UBR2: variants seen among roughly 807,000 people sequenced by gnomAD.
UBR2 encodes the protein E3 ubiquitin-protein ligase UBR2.
UBR2 carries 92 observed loss-of-function variants against 247.9 expected under a neutral mutation model. The observed-to-expected ratio is 0.37, with a 90% CI of 0.31 to 0.44. UBR2 has a LOEUF of 0.44. Ranked by LOEUF, UBR2 falls within the 20% of genes least tolerant of loss-of-function variation. The pLI is 1.00. For synonymous variants in UBR2, 672 were observed against 693.5 expected (o/e 0.97, Z 0.49); for missense variants, 1,613 against 2,112.6 (o/e 0.76, Z 4.64).
Position 42,635,500 on chromosome 6 carries a change from A to G in UBR2, c.1628A>G (p.Lys543Arg). Residue 543 changes from lysine to arginine, a missense_variant, in exon 14 of 47, where the codon AAA becomes AGA. By Grantham distance (26) the Lys-to-Arg change is conservative. This residue lies in a region of UBR2 where 1,524 missense variants were observed against 1,967.3 expected (regional missense o/e 0.77). Coordinates refer to ENST00000372901, the MANE Select transcript of UBR2 (RefSeq NM_001363705.2). ...EWEAAFTLQM[K>R]LTHVISMMQD... ...GAAGCAGCCTTCACACTACAAATGA[A>G]ATTAACACATGTCATTTCAATGATG... The G allele has an allele frequency of 6.2e-7, 1 of 1,613,586 alleles. No homozygotes were observed. The highest frequency in any genetic ancestry group is 8.5e-7 in the Non-Finnish European group (1 of 1,179,618).
chr6:42,590,330 C>T (rs1230617842), intron 2 of UBR2, among the ~76,000 whole-genome samples: 1 of 152,172 alleles, frequency 6.6e-6, no homozygotes, highest in Non-Finnish European at 1.5e-5. Context: ...ACAATCAATA[C>T]TATAACTGTA....
chr6:42,643,743 T>C (rs796747962), intron 18 of UBR2, among the ~76,000 whole-genome samples: 7 of 152,292 alleles, frequency 4.6e-5, no homozygotes, highest in African/African-American at 1.7e-4. Flanking sequence ...CTTCAGTCAG[T>C]ATAATGCTTG....
intron 4 of UBR2, 140 bp from the exon 5 acceptor site, chr6:42,603,448 C>T: frequency 1.2e-6 from 1 of 811,744 alleles, no homozygotes; most frequent in African/African-American, 1.8e-5. Flanking sequence ...TGTATAGGAT[C>T]AAATTCATTG....
At chr6:42,680,105 A>G (rs946473440) in intron 42 of UBR2, among the ~76,000 whole-genome samples, 1 of 152,144 alleles carries the variant, frequency 6.6e-6, no homozygotes, top group Non-Finnish European at 1.5e-5. Flanking sequence ...TCCTGGGTTC[A>G]GGGGATTCTC....
chr6:42,628,769 A>C (rs1450356656), intron 11 of UBR2, among the ~76,000 whole-genome samples: 1 of 151,428 alleles, frequency 6.6e-6, no homozygotes, highest in Non-Finnish European at 1.5e-5. Context: ...AAGTGATTAG[A>C]GTATGATAGT....
intron 8 of UBR2, among the ~76,000 whole-genome samples, chr6:42,614,375 T>TATATATGTATGTGCGTACATACATAC (rs70990112): frequency 2.9e-5 from 2 of 69,752 alleles, no homozygotes; most frequent in South Asian, 5.0e-4. Context: ...TGTGTATGTG[T>TATATATGTATGTGCGTACATACATAC]GTATATATGT....
At chr6:42,620,481 G>GTTTTTTTTTTTTTTTTTTT (rs796314344) in intron 11 of UBR2, 1 of 66,620 alleles carries the variant, frequency 1.5e-5, no homozygotes, top group African/African-American at 3.7e-5. Context: ...ATTAAGTGTT[G>GTTTTTTTTTTTTTTTTTTT]TTTTTTTTTT....
intron 1 of UBR2, among the ~76,000 whole-genome samples, chr6:42,570,119 G>C (rs1791021989): frequency 6.6e-6 from 1 of 152,200 alleles, no homozygotes; most frequent in Admixed American, 6.5e-5. Context: ...ACTTCTGAAA[G>C]ACAGTCATAA....
rs147489438 is a variant in UBR2, at chr6:42,611,745, A to G, written c.865-426A>G. On this transcript the variant is annotated intron_variant, in intron 7 of 46. Transcript: ENST00000372901. Reference sequence around the variant, plus strand: ...ACATAGTGAAACCCTGTCTCTACTAAAAATACAACAGTTAGCCAGGCGTCG... The same window carrying G: ...ACATAGTGAAACCCTGTCTCTACTAGAAATACAACAGTTAGCCAGGCGTCG... Among the ~76,000 whole-genome samples the G allele has an allele frequency of 5.1e-4, 77 of 151,758 alleles. 2 individuals carry two copies. In the East Asian group the frequency reaches 8.2e-3, roughly 16 times the overall value.
At chr6:42,615,518 A>G (rs1291534164) in intron 9 of UBR2, among the ~76,000 whole-genome samples, 1 of 152,116 alleles carries the variant, frequency 6.6e-6, no homozygotes, top group Non-Finnish European at 1.5e-5. Flanking sequence ...TGGCATGATC[A>G]TTGATCACTG....
intron 34 of UBR2, among the ~76,000 whole-genome samples, chr6:42,669,743 A>T (rs1798324001): frequency 6.6e-6 from 1 of 152,168 alleles, no homozygotes; most frequent in Non-Finnish European, 1.5e-5. Flanking sequence ...CTGTGTAAAA[A>T]CAACTTTCCC....
rs776465321 is a variant in UBR2 at position 42,655,738 on chromosome 6, T to C, written c.2872+15T>C. 5 of 1,416,860 alleles carry C rather than the reference T, an allele frequency of 3.5e-6. No individual in the cohort carries two copies. The highest frequency in any genetic ancestry group is 4.7e-6 in the Non-Finnish European group (5 of 1,053,214). The allele number at this position is 1,416,860 out of a possible 1,614,324, so 87.8% of individuals were successfully genotyped here. Reference sequence around the variant, plus strand: ...GAAGATATCAAGTATGTATATATCTTTTTACTAAACTAACTCAAGATATAA... The same window carrying C: ...GAAGATATCAAGTATGTATATATCTCTTTACTAAACTAACTCAAGATATAA... On this transcript the variant is annotated intron_variant, in intron 26 of 46. Coordinates refer to ENST00000372901, the MANE Select transcript of UBR2 (RefSeq NM_001363705.2).
intron 25 of UBR2, 74 bp from the exon 26 acceptor site, chr6:42,655,547 T>C (rs1250621171): frequency 3.7e-6 from 3 of 815,426 alleles, no homozygotes; most frequent in Non-Finnish European, 5.6e-6. Context: ...AATAATTCTT[T>C]TTTCCTATTT....
chr6:42,579,362 C>T (rs1291917981), intron 2 of UBR2, among the ~76,000 whole-genome samples: 2 of 152,130 alleles, frequency 1.3e-5, no homozygotes, highest in Admixed American at 6.5e-5. Context: ...GAAATCCCTC[C>T]CATGATTCAG....
Position 42,679,731 on chromosome 6 carries a change from A to T in UBR2, c.4617A>T (p.Gly1539=), listed in dbSNP as rs1225699267. 1 of 1,612,838 alleles carries T rather than the reference A, an allele frequency of 6.2e-7. No individual in the cohort carries two copies. The highest frequency in any genetic ancestry group is 1.1e-5 in the South Asian group (1 of 90,824). ...VPSPPDIQVP[G]TSHFEHLCSY... is the part of the protein sequence containing the mutation. The stretch of plus-strand genomic sequence containing the variant: ...CTTGTTCTTCATTTGCAGTTCCTGG[A>T]ACAAGCCATTTTGAACATTTATGTA... Residue 1539 remains glycine (G), a synonymous_variant, in exon 42 of 47, where the codon GGA becomes GGT. Coordinates refer to ENST00000372901, the MANE Select transcript of UBR2 (RefSeq NM_001363705.2).
At chr6:42,674,771 A>C (rs1291384305) in intron 38 of UBR2, among the ~76,000 whole-genome samples, 1 of 152,062 alleles carries the variant, frequency 6.6e-6, no homozygotes, top group Non-Finnish European at 1.5e-5. Flanking sequence ...AAAAAAAAAA[A>C]ACAGCAACAG....
chr6:42,685,334 T>C (rs182191963), intron 44 of UBR2, among the ~76,000 whole-genome samples: 11 of 152,276 alleles, frequency 7.2e-5, no homozygotes, highest in Non-Finnish European at 1.0e-4. Flanking sequence ...ACATCTGTAG[T>C]ACTCTATACT....
At chr6:42,602,451 A>G (rs892085663) in intron 4 of UBR2, among the ~76,000 whole-genome samples, 1 of 150,562 alleles carries the variant, frequency 6.6e-6, no homozygotes, top group East Asian at 2.0e-4. Flanking sequence ...ATCCGCCTGC[A>G]TCAGCCTCAC....
At chr6:42,675,930 C>T in intron 38 of UBR2, 126 bp from the exon 39 acceptor site, 1 of 1,336,392 alleles carries the variant, frequency 7.5e-7, no homozygotes, top group Non-Finnish European at 9.8e-7. Flanking sequence ...GCACTCCAGC[C>T]TGGGCAACAG....
Sources: allele counts gnomAD v4.1 joint callset (sites outside exome capture counted in the v4.1 genomes callset), GRCh38; gene constraint gnomAD v4.1.1; regional missense constraint gnomAD v4.1.1; transcripts MANE v1.5; gene names NCBI Gene and HGNC (gene_info 2026-07-23, HGNC 2026-07-21).